The following PDSS2 variants were observed in gnomAD, a reference collection of about 807,000 sequenced individuals.
PDSS2 encodes decaprenyl diphosphate synthase subunit 2.
PDSS2 carries 31 observed loss-of-function variants against 44.5 expected under a neutral mutation model. The observed-to-expected ratio is 0.70, with a 90% CI of 0.52 to 0.94. The LOEUF (loss-of-function observed/expected upper bound fraction) is 0.94. Among genes scored for constraint, PDSS2 ranks in the 40% least tolerant of loss-of-function variants. The pLI, the probability that PDSS2 is intolerant of heterozygous loss-of-function variation, is 0.00. For missense variants in PDSS2, 452 were observed against 482.2 expected (o/e 0.94, Z 0.59); for synonymous variants, 157 against 180.3 (o/e 0.87, Z 1.03).
At chr6:107,444,869 A>G (rs919646186) in intron 1 of PDSS2, among the ~76,000 whole-genome samples, 16 of 152,212 alleles carry the variant, frequency 1.1e-4, no homozygotes, top group Admixed American at 9.2e-4. Context: ...CGTCTCCAAT[A>G]GCTGCATACT....
At chr6:107,430,431 T>C (rs924309921) in intron 1 of PDSS2, among the ~76,000 whole-genome samples, 6 of 151,362 alleles carry the variant, frequency 4.0e-5, no homozygotes, top group African/African-American at 1.2e-4. Flanking sequence ...ACCCGGGAGG[T>C]AGAGGTTGCA....
intron 1 of PDSS2, among the ~76,000 whole-genome samples, chr6:107,358,279 T>C (rs1778651468): frequency 6.6e-6 from 1 of 152,146 alleles, no homozygotes; most frequent in Non-Finnish European, 1.5e-5. Flanking sequence ...ATTGCAAAAC[T>C]CAAAAAAATC....
intron 1 of PDSS2, among the ~76,000 whole-genome samples, chr6:107,428,646 A>G (rs756865112): frequency 6.6e-6 from 1 of 152,142 alleles, no homozygotes; most frequent in Non-Finnish European, 1.5e-5. Flanking sequence ...TTGGCAATAT[A>G]GTGAAACTCC....
chr6:107,158,790 G>A (rs1215009225), intron 7 of PDSS2, among the ~76,000 whole-genome samples: 2 of 151,564 alleles, frequency 1.3e-5, no homozygotes, highest in African/African-American at 4.8e-5. Flanking sequence ...GTGCAATGGT[G>A]CAACCTCGAC....
chr6:107,420,921 A>G (rs1780804767), intron 1 of PDSS2, among the ~76,000 whole-genome samples: 1 of 152,168 alleles, frequency 6.6e-6, no homozygotes, highest in South Asian at 2.1e-4. Context: ...GCCACATACT[A>G]GAAGAAAATA....
At chr6:107,308,263 TAAAAG>T (rs1353655336) in intron 2 of PDSS2, among the ~76,000 whole-genome samples, 1 of 152,188 alleles carries the variant, frequency 6.6e-6, no homozygotes. Flanking sequence ...ATTTGTAACT[TAAAAG>T]AGAACAGGTA....
Position 107,429,937 on chromosome 6 carries a change from T to TATATATATATAC in PDSS2, c.296+29052_296+29053insGTATATATATAT, listed in dbSNP as rs1316596170. On this transcript the variant is annotated intron_variant, in intron 1 of 7. Coordinates refer to ENST00000369037, the MANE Select transcript of PDSS2 (RefSeq NM_020381.4). Reference sequence around the variant, plus strand: ...ATATATATATATATATATATATATATACACCAAACCCAGAAAGAAAGATTT... The same window carrying TATATATATATAC: ...ATATATATATATATATATATATATATATATATATATACACACCAAACCCAGAAAGAAAGATTT... Among the ~76,000 whole-genome samples the TATATATATATAC allele has an allele frequency of 1.5e-4, 15 of 99,646 alleles. No individual in the cohort carries two copies. The East Asian group carries it at 1.6e-3, about 10-fold the overall frequency. The allele number at this position is 99,646 out of a possible 152,430, so 65.4% of individuals were successfully genotyped here. A position where few individuals can be genotyped will look rare whatever the true frequency, so the allele number is the denominator to read the frequency against.
chr6:107,193,751 C>A, intron 7 of PDSS2, 71 bp downstream of exon 7: 1 of 934,790 alleles, frequency 1.1e-6, no homozygotes, highest in South Asian at 1.3e-5. Context: ...TTTGACCTTT[C>A]AAATATAAAC....
At chr6:107,263,446 GAA>G (rs779892021) in intron 3 of PDSS2, among the ~76,000 whole-genome samples, 1 of 130,276 alleles carries the variant, frequency 7.7e-6, no homozygotes, top group Non-Finnish European at 1.7e-5. Context: ...GAGCAAGACT[GAA>G]AAAAAAAAAA....
chr6:107,297,862 C>G (rs578051753), intron 2 of PDSS2, among the ~76,000 whole-genome samples: 1 of 152,112 alleles, frequency 6.6e-6, no homozygotes, highest in African/African-American at 2.4e-5. Context: ...TCTTGTACCT[C>G]GGACACCCGA....
At chr6:107,416,133 T>C (rs999036313) in intron 1 of PDSS2, among the ~76,000 whole-genome samples, 2 of 152,228 alleles carry the variant, frequency 1.3e-5, no homozygotes, top group South Asian at 4.1e-4. Flanking sequence ...TTCTATTTAC[T>C]GTTATTTGGG....
At chr6:107,335,777 A>G (rs1187372157) in intron 1 of PDSS2, among the ~76,000 whole-genome samples, 1 of 152,168 alleles carries the variant, frequency 6.6e-6, no homozygotes, top group Non-Finnish European at 1.5e-5. Flanking sequence ...AATGCTCATG[A>G]GCACTAATCA....
intron 1 of PDSS2, among the ~76,000 whole-genome samples, chr6:107,451,484 C>T (rs1165398811): frequency 6.6e-6 from 1 of 152,116 alleles, no homozygotes; most frequent in Non-Finnish European, 1.5e-5. Flanking sequence ...CCCCTTGTGG[C>T]TTTGATGGAA....
At chr6:107,157,007 C>A (rs1398756303) in intron 7 of PDSS2, among the ~76,000 whole-genome samples, 1 of 152,186 alleles carries the variant, frequency 6.6e-6, no homozygotes, top group Non-Finnish European at 1.5e-5. Context: ...ACCAGGTCTG[C>A]ACCCCTGGAC....
chr6:107,311,439 C>T lies in PDSS2; in HGVS notation c.431+22759G>A, dbSNP rs113031168. On this transcript the variant is annotated intron_variant, in intron 2 of 7. Transcript: ENST00000369037. ...CCCAGGCTAGTCTTGAACTCCTGGG[C>T]TCAAGTGCTCCTCCTGATTCAGCCT... 1.9e-3 allele frequency among the ~76,000 whole-genome samples: 286 copies of T among 152,170 alleles called. 5 individuals carry two copies. Among genetic ancestry groups the T allele is most frequent in the African/African-American group, 6.7e-3 (279 of 41,520 alleles).
chr6:107,396,315 A>G (rs966442669), intron 1 of PDSS2, among the ~76,000 whole-genome samples: 1 of 152,188 alleles, frequency 6.6e-6, no homozygotes, highest in African/African-American at 2.4e-5. Context: ...CCCACCATTC[A>G]GCAATACCAC....
chr6:107,355,200 T>C (rs539593434), intron 1 of PDSS2, among the ~76,000 whole-genome samples: 7 of 152,194 alleles, frequency 4.6e-5, no homozygotes, highest in African/African-American at 1.7e-4. Flanking sequence ...ATTACAGGTG[T>C]GAGCCATCAC....
At chr6:107,196,615 C>G (rs1187686583) in intron 6 of PDSS2, among the ~76,000 whole-genome samples, 1 of 152,194 alleles carries the variant, frequency 6.6e-6, no homozygotes, top group Non-Finnish European at 1.5e-5. Context: ...TATATTTGGT[C>G]ATAGTCCAGT....
chr6:107,368,577 G>A (rs556158084), intron 1 of PDSS2, among the ~76,000 whole-genome samples: 8 of 152,114 alleles, frequency 5.3e-5, no homozygotes, highest in Non-Finnish European at 1.0e-4. Flanking sequence ...ATGTGGGCCA[G>A]TCACGGCAGC....
Sources: allele counts gnomAD v4.1 joint callset (sites outside exome capture counted in the v4.1 genomes callset), GRCh38; gene constraint gnomAD v4.1.1; transcripts MANE v1.5; gene names NCBI Gene and HGNC (gene_info 2026-07-23, HGNC 2026-07-21).